The following SLC9A9 variants were observed in gnomAD, a reference collection of about 807,000 sequenced individuals.
The protein encoded by SLC9A9 is solute carrier family 9 member A9, also known as sodium/hydrogen exchanger 9.
SLC9A9 carries 62 observed loss-of-function variants against 77.8 expected under a neutral mutation model. That is an observed-to-expected ratio of 0.80 (90% CI 0.65 to 0.98). The LOEUF (loss-of-function observed/expected upper bound fraction) is 0.98, where lower values mean the gene tolerates loss of function less well. Ranked by LOEUF, SLC9A9 falls within the 50% of genes least tolerant of loss-of-function variation. SLC9A9 has a pLI of 0.00. For missense variants in SLC9A9, 775 were observed against 774.9 expected (o/e 1.00, Z 0.00); for synonymous variants, 320 against 283.5 (o/e 1.13, Z -1.29).
intron 9 of SLC9A9, among the ~76,000 whole-genome samples, chr3:143,510,758 T>C (rs893801298): frequency 6.6e-6 from 1 of 152,192 alleles, no homozygotes; most frequent in Non-Finnish European, 1.5e-5. Context: ...GTTGTATGCA[T>C]TGAACATCTT....
chr3:143,412,980 T>C (rs2034122666), intron 12 of SLC9A9, among the ~76,000 whole-genome samples: 1 of 152,328 alleles, frequency 6.6e-6, no homozygotes, highest in Middle Eastern at 3.4e-3. Context: ...GGCTAAAGTT[T>C]TAAACAGAGG....
chr3:143,623,104 A>C (rs1181999064), intron 6 of SLC9A9, among the ~76,000 whole-genome samples: 53 of 152,242 alleles, frequency 3.5e-4, no homozygotes, highest in African/African-American at 1.3e-3. Context: ...GAGCACCCAG[A>C]TTCATAAAGC....
chr3:143,467,603 G>A (rs1576517490), intron 11 of SLC9A9, among the ~76,000 whole-genome samples: 1 of 151,970 alleles, frequency 6.6e-6, no homozygotes, highest in East Asian at 1.9e-4. Flanking sequence ...AAATTAGCCA[G>A]GCATGGTGGC....
chr3:143,280,055 A>G (rs1938170377), intron 14 of SLC9A9, among the ~76,000 whole-genome samples: 5 of 152,072 alleles, frequency 3.3e-5, no homozygotes, highest in Admixed American at 3.3e-4. Context: ...TCCTGTGCTC[A>G]AGCAATTCTC....
chr3:143,493,523 A>G (rs1006449394), intron 11 of SLC9A9, 130 bp downstream of exon 11: 9 of 754,186 alleles, frequency 1.2e-5, no homozygotes, highest in Non-Finnish European at 2.1e-5. Flanking sequence ...GAGAATCAGC[A>G]TAGTGTTAGG....
intron 12 of SLC9A9, among the ~76,000 whole-genome samples, chr3:143,404,862 C>T (rs905110893): frequency 6.6e-6 from 1 of 152,196 alleles, no homozygotes; most frequent in Admixed American, 6.5e-5. Flanking sequence ...TTTTCTTTCT[C>T]CTTTGTTTTT....
intron 4 of SLC9A9, among the ~76,000 whole-genome samples, chr3:143,753,965 A>G (rs972762593): frequency 3.3e-5 from 5 of 151,862 alleles, no homozygotes; most frequent in East Asian, 3.9e-4. Context: ...AATATGTGCA[A>G]TTTTTCCCTA....
At chr3:143,671,684 T>C (rs1029722930) in intron 5 of SLC9A9, among the ~76,000 whole-genome samples, 7 of 152,342 alleles carry the variant, frequency 4.6e-5, no homozygotes, top group Admixed American at 3.9e-4. Context: ...GCTATTCCAT[T>C]GTGCTTAACA....
intron 6 of SLC9A9, among the ~76,000 whole-genome samples, chr3:143,590,104 T>C (rs898012856): frequency 5.3e-5 from 8 of 152,242 alleles, no homozygotes; most frequent in African/African-American, 1.9e-4. Context: ...CCATATCTCC[T>C]GGCATTCATA....
chr3:143,565,163 G>A (rs2037148409), intron 8 of SLC9A9, among the ~76,000 whole-genome samples: 1 of 152,144 alleles, frequency 6.6e-6, no homozygotes, highest in South Asian at 2.1e-4. Context: ...GAATTCTGAA[G>A]GTCCTGGAAT....
intron 4 of SLC9A9, among the ~76,000 whole-genome samples, chr3:143,782,979 C>T (rs1184426018): frequency 1.3e-5 from 2 of 152,150 alleles, no homozygotes; most frequent in Non-Finnish European, 2.9e-5. Context: ...CTGTCAGTTC[C>T]ATCATTCAAA....
At chr3:143,481,284 A>G (rs984438822) in intron 11 of SLC9A9, among the ~76,000 whole-genome samples, 8 of 152,190 alleles carry the variant, frequency 5.3e-5, no homozygotes, top group Admixed American at 5.2e-4. Context: ...ATACAAACCC[A>G]GACCAGAGAA....
chr3:143,354,777 T>C (rs536223794), intron 14 of SLC9A9, among the ~76,000 whole-genome samples: 3 of 152,338 alleles, frequency 2.0e-5, no homozygotes, highest in Admixed American at 1.3e-4. Context: ...TCTCTTTCTC[T>C]TTTTTTCCTA....
intron 14 of SLC9A9, among the ~76,000 whole-genome samples, chr3:143,323,412 T>A (rs1165135032): frequency 2.0e-5 from 3 of 152,212 alleles, no homozygotes; most frequent in Non-Finnish European, 4.4e-5. Flanking sequence ...ACCATGTCAT[T>A]TGCAGCAACA....
chr3:143,284,634 C>T (rs969353259), intron 14 of SLC9A9, among the ~76,000 whole-genome samples: 1 of 152,038 alleles, frequency 6.6e-6, no homozygotes, highest in African/African-American at 2.4e-5. Context: ...ACATTTTTAA[C>T]TCAACCTGAG....
intron 4 of SLC9A9, among the ~76,000 whole-genome samples, chr3:143,782,798 G>C (rs2007924280): frequency 6.6e-6 from 1 of 152,212 alleles, no homozygotes; most frequent in South Asian, 2.1e-4. Context: ...TGATAACTAA[G>C]AGGCTAAGCC....
chr3:143,778,088 A>C (rs1410543984), intron 4 of SLC9A9, among the ~76,000 whole-genome samples: 1 of 139,462 alleles, frequency 7.2e-6, no homozygotes, highest in Middle Eastern at 3.7e-3. Context: ...ATTACAGGAT[A>C]TAAATCCAAA....
intron 2 of SLC9A9, among the ~76,000 whole-genome samples, chr3:143,813,675 A>G (rs929469848): frequency 6.6e-6 from 1 of 152,018 alleles, no homozygotes; most frequent in Admixed American, 6.6e-5. Context: ...AAGCCCCATT[A>G]TTTTGCATAG....
At position 143,552,409 on chromosome 3, in the gene SLC9A9, A is replaced by G; in HGVS notation, c.1042T>C (p.Tyr348His). ...VLFCGVTQAHYTYNNLSSDSK... is the reference protein window; with the variant it reads ...VLFCGVTQAHHTYNNLSSDSK... ...TCCGAAGACAGATTGTTGTAGGTAT[A>G]ATGTGCTTGTGTGACTCCACAGAAG... Residue 348 changes from tyrosine (Y) to histidine (H), a missense_variant, in exon 9 of 16, where the codon TAT (tyrosine) becomes CAT (histidine). Tyr to His is a moderately conservative substitution (Grantham distance 83, BLOSUM62 2). Transcript: ENST00000316549. The G allele has an allele frequency of 6.2e-7, 1 of 1,613,270 alleles. No homozygotes were observed. Among genetic ancestry groups the G allele is most frequent in the Non-Finnish European group, 8.5e-7 (1 of 1,179,580 alleles).
Sources: gnomAD v4.1 joint callset for allele counts (sites outside exome capture counted in the v4.1 genomes callset) on GRCh38, gnomAD v4.1.1 for gene constraint, MANE v1.5 for transcripts, NCBI Gene and HGNC (gene_info 2026-07-23, HGNC 2026-07-21) for gene names.